NSMCE2: variants seen among roughly 807,000 people sequenced by gnomAD.
The protein encoded by NSMCE2 is NSE2 SUMO ligase component of SMC5/6 complex.
In NSMCE2, 24 loss-of-function variants were observed where a neutral mutation model predicts 23.8. The observed-to-expected ratio is 1.01, with a 90% CI of 0.73 to 1.42. The LOEUF is 1.42. NSMCE2 is among the 40% of genes most tolerant of loss of function. The pLI, the probability that NSMCE2 is intolerant of heterozygous loss-of-function variation, is 0.00. For missense variants in NSMCE2, 284 were observed against 296.5 expected, an observed-to-expected ratio of 0.96 and a Z score of 0.31; for synonymous variants, 92 against 94.1, an observed-to-expected ratio of 0.98 and a Z score of 0.13.
intron 4 of NSMCE2, among the ~76,000 whole-genome samples, chr8:125,151,894 G>C (rs759890535): frequency 1.3e-5 from 2 of 152,140 alleles, no homozygotes; most frequent in African/African-American, 2.4e-5. Context: ...TTTCTGAGAA[G>C]TCTTTTGTCC....
intron 3 of NSMCE2, among the ~76,000 whole-genome samples, chr8:125,146,576 A>T (rs575607159): frequency 6.6e-6 from 1 of 152,270 alleles, no homozygotes; most frequent in African/African-American, 2.4e-5. Context: ...ATAAAAAATG[A>T]TGAGTTCATG....
intron 5 of NSMCE2, among the ~76,000 whole-genome samples, chr8:125,221,450 C>A (rs931758628): frequency 6.6e-6 from 1 of 152,178 alleles, no homozygotes; most frequent in African/African-American, 2.4e-5. Flanking sequence ...TGCCATGTTG[C>A]CCAGGCTGGT....
chr8:125,104,408 T>C (rs1818354119), intron 3 of NSMCE2, among the ~76,000 whole-genome samples: 1 of 152,224 alleles, frequency 6.6e-6, no homozygotes, highest in South Asian at 2.1e-4. Context: ...TAATATAGCC[T>C]TTATGTTAGG....
At chr8:125,281,321 A>T (rs1477539512) in intron 5 of NSMCE2, among the ~76,000 whole-genome samples, 1 of 152,224 alleles carries the variant, frequency 6.6e-6, no homozygotes, top group East Asian at 1.9e-4. Context: ...TCAATTTGAG[A>T]TGGATCTGTC....
chr8:125,181,234 TG>T (rs1056433195), intron 4 of NSMCE2, among the ~76,000 whole-genome samples: 21 of 152,010 alleles, frequency 1.4e-4, no homozygotes, highest in Non-Finnish European at 2.2e-4. Context: ...AGAAAATAAC[TG>T]GGGGCAGGGA....
chr8:125,120,411 T>G (rs999675758), intron 3 of NSMCE2, among the ~76,000 whole-genome samples: 70 of 152,238 alleles, frequency 4.6e-4, no homozygotes, highest in Non-Finnish European at 6.0e-4. Context: ...ATTGGTATTT[T>G]AATACATAAA....
rs139211268 is a variant in NSMCE2, at chr8:125,116,733, G to A, written c.157+14246G>A. ...TGTCATGGAGTCTTGAGCTTGCAAG[G>A]CTAGCTTTTCAGAGGTGATTTATTT... On this transcript the variant is annotated intron_variant, in intron 3 of 7. Coordinates refer to ENST00000287437, the MANE Select transcript of NSMCE2 (RefSeq NM_173685.4). Among the ~76,000 whole-genome samples the A allele has an allele frequency of 7.7e-3, 1,167 of 152,222 alleles. 12 individuals carry two copies. The highest frequency in any genetic ancestry group is 0.044 in the Middle Eastern group (13 of 294).
intron 5 of NSMCE2, among the ~76,000 whole-genome samples, chr8:125,301,985 A>C (rs1828585144): frequency 6.8e-6 from 1 of 147,432 alleles, no homozygotes; most frequent in Admixed American, 6.8e-5. Flanking sequence ...TTTGAGACCG[A>C]GTCTCACTCT....
At chr8:125,127,483 G>A (rs1352938919) in intron 3 of NSMCE2, among the ~76,000 whole-genome samples, 2 of 152,166 alleles carry the variant, frequency 1.3e-5, no homozygotes, top group African/African-American at 2.4e-5. Context: ...AAAAAGATGA[G>A]TGCTCCTGTG....
At chr8:125,189,935 G>A (rs933989284) in intron 5 of NSMCE2, among the ~76,000 whole-genome samples, 1 of 152,138 alleles carries the variant, frequency 6.6e-6, no homozygotes, top group African/African-American at 2.4e-5. Context: ...GATGAAGTTT[G>A]CTGGCTCTTC....
intron 4 of NSMCE2, among the ~76,000 whole-genome samples, chr8:125,170,231 C>T (rs1219983585): frequency 1.3e-5 from 2 of 151,976 alleles, no homozygotes; most frequent in Non-Finnish European, 2.9e-5. Flanking sequence ...TCTCCAAAAC[C>T]AGCTGTTCCT....
At chr8:125,288,904 C>T (rs1828000802) in intron 5 of NSMCE2, among the ~76,000 whole-genome samples, 1 of 152,156 alleles carries the variant, frequency 6.6e-6, no homozygotes, top group Non-Finnish European at 1.5e-5. Flanking sequence ...AAACCATCCT[C>T]CCACCTCAGC....
chr8:125,338,550 C>G (rs1462015190), intron 5 of NSMCE2, among the ~76,000 whole-genome samples: 1 of 152,154 alleles, frequency 6.6e-6, no homozygotes, highest in African/African-American at 2.4e-5. Context: ...TTCTGAATTT[C>G]GTTAGCAGTA....
chr8:125,224,789 C>T (rs956835213), intron 5 of NSMCE2, among the ~76,000 whole-genome samples: 1 of 152,124 alleles, frequency 6.6e-6, no homozygotes, highest in African/African-American at 2.4e-5. Flanking sequence ...GATATTGAGG[C>T]TCATAAGAGG....
intron 3 of NSMCE2, among the ~76,000 whole-genome samples, chr8:125,108,916 G>A (rs932520558): frequency 5.3e-5 from 8 of 152,194 alleles, no homozygotes; most frequent in Admixed American, 3.9e-4. Flanking sequence ...TTGCCAAGGA[G>A]TTTGAACCTT....
intron 5 of NSMCE2, among the ~76,000 whole-genome samples, chr8:125,220,824 T>G (rs544534574): frequency 6.6e-6 from 1 of 152,334 alleles, no homozygotes; most frequent in Non-Finnish European, 1.5e-5. Context: ...TTCCATGAAA[T>G]ATATGATGAA....
chr8:125,129,016 T>C (rs1321324140), intron 3 of NSMCE2, among the ~76,000 whole-genome samples: 2 of 152,154 alleles, frequency 1.3e-5, no homozygotes, highest in African/African-American at 4.8e-5. Context: ...AAGAACACGT[T>C]TTACAGAGGA....
At chr8:125,102,571 C>A in intron 3 of NSMCE2, 84 bp downstream of exon 3, 1 of 1,077,990 alleles carries the variant, frequency 9.3e-7, no homozygotes, top group Non-Finnish European at 1.4e-6. Context: ...TTTTGAGTAT[C>A]CTTGGGGGAA....
intron 4 of NSMCE2, among the ~76,000 whole-genome samples, chr8:125,167,077 C>G (rs775976512): frequency 6.6e-5 from 10 of 152,192 alleles, no homozygotes; most frequent in Non-Finnish European, 1.5e-4. Flanking sequence ...CACATGTACT[C>G]TCACACAAAG....
Sources: gnomAD v4.1 joint callset for allele counts (sites outside exome capture counted in the v4.1 genomes callset) on GRCh38, gnomAD v4.1.1 for gene constraint, MANE v1.5 for transcripts, NCBI Gene and HGNC (gene_info 2026-07-23, HGNC 2026-07-21) for gene names.